The following EXOC6B variants were observed in gnomAD, a reference collection of about 807,000 sequenced individuals.
EXOC6B encodes the protein exocyst complex component 6B.
Under a neutral mutation model 113.5 loss-of-function variants are expected in EXOC6B, and 54 were observed. The observed-to-expected ratio is 0.48, with a 90% CI of 0.38 to 0.60. EXOC6B has a LOEUF of 0.60. EXOC6B is among the 20% of genes least tolerant of loss of function. The pLI is 0.00. For missense variants in EXOC6B, 797 were observed against 977.5 expected, an observed-to-expected ratio of 0.82 and a Z score of 2.46; for synonymous variants, 357 against 339.0, an observed-to-expected ratio of 1.05 and a Z score of -0.58.
rs571357909 is a variant in EXOC6B at position 72,576,962 on chromosome 2, G to A, written c.670-1294C>T. On this transcript the variant is annotated intron_variant, in intron 6 of 21. Transcript: ENST00000272427. ...GAAAAAATCAGTCTCCAAATCTTCT[G>A]CATAAGGTTAATGAAATGAAGATAA... 1.4e-3 allele frequency among the ~76,000 whole-genome samples: 206 copies of A among 152,154 alleles called. 2 individuals carry two copies. Among genetic ancestry groups the A allele is most frequent in the African/African-American group, 4.8e-3 (200 of 41,546 alleles).
At chr2:72,395,580 A>G (rs1405324098) in intron 18 of EXOC6B, among the ~76,000 whole-genome samples, 1 of 152,192 alleles carries the variant, frequency 6.6e-6, no homozygotes. Context: ...ATTAACCTCA[A>G]TATGGGAGAA....
At chr2:72,436,514 C>T (rs886368937) in intron 18 of EXOC6B, among the ~76,000 whole-genome samples, 2 of 152,148 alleles carry the variant, frequency 1.3e-5, no homozygotes, top group African/African-American at 2.4e-5. Flanking sequence ...GTTCCATTCT[C>T]GCTGTCCCTT....
At chr2:72,432,256 G>A (rs188562473) in intron 18 of EXOC6B, among the ~76,000 whole-genome samples, 1 of 151,904 alleles carries the variant, frequency 6.6e-6, no homozygotes, top group Admixed American at 6.6e-5. Flanking sequence ...AGCTGGTCTC[G>A]AACTCCTGAC....
At chr2:72,598,579 G>C (rs569199306) in intron 6 of EXOC6B, among the ~76,000 whole-genome samples, 42 of 151,972 alleles carry the variant, frequency 2.8e-4, no homozygotes, top group African/African-American at 9.6e-4. Flanking sequence ...GAAAATAAGA[G>C]AACAACAGAG....
chr2:72,222,585 C>A (rs904993571), intron 20 of EXOC6B, among the ~76,000 whole-genome samples: 1 of 152,170 alleles, frequency 6.6e-6, no homozygotes, highest in East Asian at 1.9e-4. Flanking sequence ...AGCACATAAC[C>A]TTTCTTCTTA....
chr2:72,234,075 G>A (rs933588378), intron 20 of EXOC6B, among the ~76,000 whole-genome samples: 9 of 147,278 alleles, frequency 6.1e-5, no homozygotes, highest in Non-Finnish European at 1.2e-4. Flanking sequence ...ATTGAAGCTG[G>A]ACCGCCTCTT....
At chr2:72,513,032 T>C in intron 11 of EXOC6B, 100 bp downstream of exon 11, 1 of 1,348,912 alleles carries the variant, frequency 7.4e-7, no homozygotes, top group East Asian at 2.5e-5. Flanking sequence ...TCCAAGTGAG[T>C]GATTCCAAAG....
chr2:72,604,780 G>A (rs371578406), intron 6 of EXOC6B, among the ~76,000 whole-genome samples: 1 of 152,290 alleles, frequency 6.6e-6, no homozygotes, highest in African/African-American at 2.4e-5. Flanking sequence ...TCTTGGGGGA[G>A]AGAAAAACAC....
intron 19 of EXOC6B, among the ~76,000 whole-genome samples, chr2:72,344,826 AG>A (rs530326386): frequency 6.6e-6 from 1 of 152,060 alleles, no homozygotes; most frequent in Non-Finnish European, 1.5e-5. Flanking sequence ...GAAGAGAAGT[AG>A]GGGGAAAAAA....
intron 21 of EXOC6B, among the ~76,000 whole-genome samples, chr2:72,181,973 T>G (rs1438785942): frequency 1.3e-5 from 2 of 152,208 alleles, no homozygotes; most frequent in Non-Finnish European, 2.9e-5. Flanking sequence ...CTTTAGCAGG[T>G]CTTTTGTCTT....
intron 20 of EXOC6B, among the ~76,000 whole-genome samples, chr2:72,289,764 C>T (rs926869976): frequency 2.6e-5 from 4 of 152,188 alleles, no homozygotes; most frequent in Admixed American, 2.6e-4. Flanking sequence ...GGTACGGTGG[C>T]TCATGCCTTT....
intron 1 of EXOC6B, among the ~76,000 whole-genome samples, chr2:72,746,860 GC>G (rs1681731818): frequency 6.6e-6 from 1 of 151,936 alleles, no homozygotes. Flanking sequence ...GGTGGCATGG[GC>G]CCCCAAAATG....
chr2:72,317,929 A>G (rs1687619922), intron 20 of EXOC6B, among the ~76,000 whole-genome samples: 1 of 151,996 alleles, frequency 6.6e-6, no homozygotes, highest in South Asian at 2.1e-4. Context: ...AATCTAGGAG[A>G]CCTCTCTCTG....
chr2:72,191,647 C>T (rs976566133), intron 20 of EXOC6B, among the ~76,000 whole-genome samples: 2 of 152,038 alleles, frequency 1.3e-5, no homozygotes, highest in African/African-American at 4.8e-5. Flanking sequence ...CCAAACAAGC[C>T]AAAGTGGAAA....
intron 8 of EXOC6B, chr2:72,515,644 C>T: frequency 1.0e-6 from 1 of 989,130 alleles, no homozygotes; most frequent in Non-Finnish European, 1.2e-6. Flanking sequence ...AAAACAAAAG[C>T]ATGAAGATTC....
intron 6 of EXOC6B, among the ~76,000 whole-genome samples, chr2:72,614,519 A>G (rs1187436336): frequency 2.0e-5 from 3 of 152,126 alleles, no homozygotes; most frequent in Admixed American, 2.0e-4. Flanking sequence ...GCTAATACAA[A>G]TTTTCTCAGA....
intron 19 of EXOC6B, among the ~76,000 whole-genome samples, chr2:72,374,070 A>C (rs1315088407): frequency 6.6e-6 from 1 of 151,316 alleles, no homozygotes; most frequent in Non-Finnish European, 1.5e-5. Flanking sequence ...ACCCTGTCTC[A>C]AAAAAAAAAT....
chr2:72,669,629 G>C (rs1399507867), intron 6 of EXOC6B, among the ~76,000 whole-genome samples: 1 of 152,166 alleles, frequency 6.6e-6, no homozygotes, highest in Non-Finnish European at 1.5e-5. Context: ...TTTTTAAAGA[G>C]GAGAAACAGA....
At chr2:72,795,953 C>T (rs1684917712) in intron 1 of EXOC6B, among the ~76,000 whole-genome samples, 1 of 151,948 alleles carries the variant, frequency 6.6e-6, no homozygotes, top group South Asian at 2.1e-4. Flanking sequence ...CAGCAAGCAG[C>T]TGGGACTACA....
Sources: allele counts gnomAD v4.1 joint callset (sites outside exome capture counted in the v4.1 genomes callset), GRCh38; gene constraint gnomAD v4.1.1; transcripts MANE v1.5; gene names NCBI Gene and HGNC (gene_info 2026-07-23, HGNC 2026-07-21).